The following KIF13B variants were observed in gnomAD, a reference collection of about 807,000 sequenced individuals.
The protein encoded by KIF13B is kinesin-like protein KIF13B.
A neutral mutation model predicts 222.0 loss-of-function variants in KIF13B; 127 were observed. The observed-to-expected ratio is 0.57, with a 90% confidence interval of 0.50 to 0.66. The LOEUF (loss-of-function observed/expected upper bound fraction) is 0.66, where lower values mean the gene tolerates loss of function less well. Ranked by LOEUF, KIF13B falls within the 30% of genes least tolerant of loss-of-function variation. The pLI, the probability that KIF13B is intolerant of heterozygous loss-of-function variation, is 0.00. For missense variants in KIF13B, 2,173 were observed against 2,379.0 expected, an observed-to-expected ratio of 0.91 and a Z score of 1.80; for synonymous variants, 976 against 919.0, an observed-to-expected ratio of 1.06 and a Z score of -1.12.
intron 37 of KIF13B, among the ~76,000 whole-genome samples, chr8:29,085,314 G>T (rs1807991887): frequency 6.6e-6 from 1 of 152,184 alleles, no homozygotes; most frequent in Non-Finnish European, 1.5e-5. Context: ...CTGAAAATGT[G>T]AAGGACACTC....
chr8:29,107,837 T>G lies in KIF13B; in HGVS notation c.4215+302A>C, dbSNP rs182364849. Among the ~76,000 whole-genome samples the G allele has an allele frequency of 9.6e-3, 1,457 of 151,064 alleles. 11 individuals are homozygous for G. Among genetic ancestry groups the G allele is most frequent in the African/African-American group, 0.025 (1,023 of 40,446 alleles). ...GGCCTCCCAAAGTGCTGGGATTACA[T>G]ACGTGAGCCACTGCGCCCAGCCTGA... On this transcript the variant is annotated intron_variant, in intron 35 of 39. Transcript: ENST00000524189.
chr8:29,199,908 T>C (rs970355114), intron 2 of KIF13B, among the ~76,000 whole-genome samples: 2 of 152,238 alleles, frequency 1.3e-5, no homozygotes, highest in Non-Finnish European at 2.9e-5. Flanking sequence ...ATTTTATTTA[T>C]AGAAACTCCA....
At chr8:29,256,061 C>T (rs1225973233) in intron 1 of KIF13B, among the ~76,000 whole-genome samples, 1 of 152,220 alleles carries the variant, frequency 6.6e-6, no homozygotes, top group Admixed American at 6.5e-5. Flanking sequence ...ATCCATCCAC[C>T]TGGCTGCACT....
intron 37 of KIF13B, among the ~76,000 whole-genome samples, chr8:29,088,741 CA>C (rs1484059995): frequency 6.6e-6 from 1 of 152,202 alleles, no homozygotes; most frequent in African/African-American, 2.4e-5. Flanking sequence ...TGCCCTTTTT[CA>C]GAGAAGAAAC....
intron 10 of KIF13B, among the ~76,000 whole-genome samples, chr8:29,172,142 G>T (rs377535085): frequency 6.9e-6 from 1 of 144,682 alleles, no homozygotes; most frequent in Non-Finnish European, 1.5e-5. Flanking sequence ...GTGCAGTGGC[G>T]TGATCTCGGC....
At chr8:29,130,125 G>A (rs147379922) in intron 24 of KIF13B, among the ~76,000 whole-genome samples, 1 of 152,038 alleles carries the variant, frequency 6.6e-6, no homozygotes, top group African/African-American at 2.4e-5. Flanking sequence ...TGATATGTTT[G>A]GTTTATGTCC....
chr8:29,190,687 G>A (rs572793752), intron 4 of KIF13B: 18 of 330,712 alleles, frequency 5.4e-5, no homozygotes, highest in Admixed American at 3.2e-4. Flanking sequence ...CTGGACCTGC[G>A]CTGGTGGGAA....
At chr8:29,254,545 C>A (rs1816401515) in intron 1 of KIF13B, among the ~76,000 whole-genome samples, 1 of 152,270 alleles carries the variant, frequency 6.6e-6, no homozygotes, top group South Asian at 2.1e-4. Flanking sequence ...CCAATATGCA[C>A]ATGAAAAGAC....
chr8:29,173,620 CAA>C (rs143695269), intron 10 of KIF13B, among the ~76,000 whole-genome samples: 2 of 136,956 alleles, frequency 1.5e-5, no homozygotes, highest in Non-Finnish European at 1.6e-5. Flanking sequence ...ACCCTGTCTC[CAA>C]AAAAAAAAAG....
intron 2 of KIF13B, among the ~76,000 whole-genome samples, chr8:29,196,688 T>C (rs1813437099): frequency 6.6e-6 from 1 of 152,204 alleles, no homozygotes; most frequent in Non-Finnish European, 1.5e-5. Context: ...AAACCACTAA[T>C]TTCTTGCCAG....
At chr8:29,260,569 CAAGG>C (rs1816642313) in intron 1 of KIF13B, among the ~76,000 whole-genome samples, 1 of 148,990 alleles carries the variant, frequency 6.7e-6, no homozygotes. Context: ...ACAGATCATA[CAAGG>C]AAGAAAAAAA....
intron 7 of KIF13B, 52 bp downstream of exon 7, chr8:29,181,867 G>T: frequency 8.2e-7 from 1 of 1,217,966 alleles, no homozygotes; most frequent in South Asian, 1.4e-5. Context: ...AAAAAAAAGA[G>T]CCCCACCCTA....
intron 1 of KIF13B, among the ~76,000 whole-genome samples, chr8:29,246,750 C>T (rs943516269): frequency 1.3e-5 from 2 of 152,174 alleles, no homozygotes; most frequent in African/African-American, 4.8e-5. Context: ...TAAGGAAAGA[C>T]ATATATAAAT....
intron 12 of KIF13B, among the ~76,000 whole-genome samples, chr8:29,161,932 C>T (rs955765475): frequency 6.6e-6 from 1 of 152,118 alleles, no homozygotes; most frequent in African/African-American, 2.4e-5. Context: ...ACATGGTGAG[C>T]ACTCAAAACA....
At chr8:29,117,744 T>G (rs1246472503) in intron 30 of KIF13B, among the ~76,000 whole-genome samples, 1 of 152,252 alleles carries the variant, frequency 6.6e-6, no homozygotes, top group Non-Finnish European at 1.5e-5. Context: ...CTGAATATAT[T>G]TCATAATTTT....
In KIF13B at chr8:29,187,604, G is replaced by T. The variant is rs140231768; in HGVS notation, c.316+911C>A. On this transcript the variant is annotated intron_variant, in intron 5 of 39. Transcript: ENST00000524189. The stretch of plus-strand genomic sequence containing the variant: ...TTTAGAAAACACAGGAAAATAGAAA[G>T]AAAAAACTTAAATTACCATAGTCCT... 2.8e-3 allele frequency among the ~76,000 whole-genome samples: 422 copies of T among 152,218 alleles called. 1 individual carries two copies. The highest frequency in any genetic ancestry group is 4.0e-3 in the Non-Finnish European group (270 of 67,982).
At chr8:29,226,834 T>C (rs1815048204) in intron 2 of KIF13B, among the ~76,000 whole-genome samples, 1 of 152,160 alleles carries the variant, frequency 6.6e-6, no homozygotes, top group Admixed American at 6.5e-5. Context: ...TAAGTTTCGT[T>C]GTTAATTGTA....
At chr8:29,105,748 T>C (rs1397426015) in intron 35 of KIF13B, among the ~76,000 whole-genome samples, 2 of 129,056 alleles carry the variant, frequency 1.5e-5, no homozygotes, top group African/African-American at 5.9e-5. Context: ...AACTTCCGCC[T>C]CCCGGGTTCA....
At position 29,072,270 on chromosome 8, in the gene KIF13B, G is replaced by A; in HGVS notation, c.4568C>T (p.Ala1523Val). ...GPDVLVQTMG[A>V]PALKICDKPA... ...TTTGTCGCAGATCTTCAAGGCCGGG[G>A]CCCCCATCGTCTGCACCAGCACGTC... Residue 1523 changes from alanine to valine, a missense_variant, in exon 39 of 40, where the codon GCC (alanine) becomes GTC (valine). By Grantham distance (64) the Ala-to-Val change is moderately conservative. This residue lies in a region of KIF13B where 693 missense variants were observed against 656.2 expected (regional missense o/e 1.06). Coordinates refer to ENST00000524189, the MANE Select transcript of KIF13B (RefSeq NM_015254.4). 1 of 1,471,594 alleles carries A rather than the reference G, an allele frequency of 6.8e-7. No individual in the cohort carries two copies. Among genetic ancestry groups the A allele is most frequent in the Non-Finnish European group, 9.0e-7 (1 of 1,112,884 alleles). The allele number at this position is 1,471,594 out of a possible 1,614,324, so 91.2% of individuals were successfully genotyped here. A position where few individuals can be genotyped will look rare whatever the true frequency, so the allele number is the denominator to read the frequency against.
Sources: gnomAD v4.1 joint callset for allele counts (sites outside exome capture counted in the v4.1 genomes callset) on GRCh38, gnomAD v4.1.1 for gene constraint, gnomAD v4.1.1 regional missense constraint, MANE v1.5 for transcripts, NCBI Gene and HGNC (gene_info 2026-07-23, HGNC 2026-07-21) for gene names.